The following SERPINA5 variants were observed in gnomAD, a reference collection of about 807,000 sequenced individuals.
The protein encoded by SERPINA5 is plasma serine protease inhibitor.
In SERPINA5, 25 loss-of-function variants were observed where a neutral mutation model predicts 25.3. That is an observed-to-expected ratio of 0.99 (90% CI 0.72 to 1.38). The LOEUF (loss-of-function observed/expected upper bound fraction) is 1.38, where lower values mean the gene tolerates loss of function less well. Ranked by LOEUF, SERPINA5 falls within the 40% of genes most tolerant of loss-of-function variation. The pLI is 0.00. For synonymous variants in SERPINA5, 234 were observed against 206.2 expected (o/e 1.14, Z -1.16); for missense variants, 599 against 509.5 (o/e 1.18, Z -1.69).
intron 2 of SERPINA5, among the ~76,000 whole-genome samples, chr14:94,585,796 T>TGTGC (rs1555384394): frequency 5.3e-5 from 7 of 132,580 alleles, no homozygotes; most frequent in Admixed American, 4.4e-4. Context: ...TGTGTGTGTG[T>TGTGC]GTGTGTGTAA....
chr14:94,590,712 C>G (rs201077491), intron 4 of SERPINA5, 37 bp from the exon 5 acceptor site: 29 of 1,603,032 alleles, frequency 1.8e-5, no homozygotes, highest in Middle Eastern at 1.9e-4. Context: ...TGCCAATGCC[C>G]CAGAACAGTC....
intron 2 of SERPINA5, among the ~76,000 whole-genome samples, chr14:94,586,142 G>T (rs574636413): frequency 3.3e-5 from 5 of 152,152 alleles, no homozygotes; most frequent in Non-Finnish European, 7.3e-5. Flanking sequence ...CTTGGGTGAA[G>T]TGGAGGGAGG....
At chr14:94,582,659 C>A (rs985060850) in intron 2 of SERPINA5, among the ~76,000 whole-genome samples, 13 of 152,166 alleles carry the variant, frequency 8.5e-5, no homozygotes, top group Non-Finnish European at 1.3e-4. Context: ...CTGGTCAGTT[C>A]ATTCATTCAT....
chr14:94,587,798 G>A lies in SERPINA5; in HGVS notation c.436G>A (p.Val146Ile), dbSNP rs748352741. 12 of 1,614,088 alleles carry A rather than the reference G, an allele frequency of 7.4e-6. No homozygotes were observed. Among genetic ancestry groups the A allele is most frequent in the Admixed American group, 5.0e-5 (3 of 60,008 alleles). ...GGTGGTAGACCTGCAGGACACCTTC[G>A]TAAGTGCCATGAAGACGCTGTACCT... ...DLVVDLQDTF[V>I]SAMKTLYLAD... Residue 146 changes from valine to isoleucine, a missense_variant, in exon 3 of 6, where the codon GTA (valine) becomes ATA (isoleucine). By Grantham distance (29) the Val-to-Ile change is conservative (BLOSUM62 3). Transcript: ENST00000329597.
intron 2 of SERPINA5, among the ~76,000 whole-genome samples, chr14:94,583,659 TG>T (rs1884986589): frequency 6.6e-6 from 1 of 152,100 alleles, no homozygotes; most frequent in African/African-American, 2.4e-5. Context: ...TCGGGGATGG[TG>T]GTGGGCCAGC....
intron 5 of SERPINA5, among the ~76,000 whole-genome samples, 176 bp downstream of exon 5, chr14:94,591,072 T>TTCCAC (rs1244221200): frequency 3.9e-5 from 5 of 129,660 alleles, no homozygotes; most frequent in Admixed American, 3.0e-4. Flanking sequence ...CTTTATTCAA[T>TTCCAC]TCCACTCCAC....
In SERPINA5 at chr14:94,590,167, A is replaced by G; in HGVS notation, c.746A>G (p.Asn249Ser). ...EDQYHYLLDR[N>S]LSCRVVGVPY... Reference sequence around the variant, plus strand: ...CAGTATCACTACCTCCTGGACCGGAACCTCTCCTGCAGGGTGGTGGGGGTC... The same window carrying G: ...CAGTATCACTACCTCCTGGACCGGAGCCTCTCCTGCAGGGTGGTGGGGGTC... Residue 249 changes from asparagine (N) to serine (S), a missense_variant, in exon 4 of 6, where the codon AAC becomes AGC. Asn to Ser is a conservative substitution (Grantham distance 46). Transcript: ENST00000329597. 6.2e-7 allele frequency: 1 copy of G among 1,614,028 alleles called. No homozygotes were observed. Among genetic ancestry groups the G allele is most frequent in the Non-Finnish European group, 8.5e-7 (1 of 1,179,998 alleles).
Position 94,587,223 on chromosome 14 carries a change from T to C in SERPINA5, c.-17-123T>C, listed in dbSNP as rs545928021. 115 of 894,710 alleles carry C rather than the reference T, an allele frequency of 1.3e-4. No homozygotes were observed. In the African/African-American group the frequency reaches 1.8e-3, roughly 14 times the overall value. 55.4% of individuals were successfully genotyped at this position (894,710 alleles called of 1,614,324 possible). ...CTCATGCCCAGTCTTGCGGGTGCCA[T>C]CCCTTCTCTTTGAAGCTGAATGGAC... On this transcript the variant is annotated intron_variant, in intron 2 of 5. Coordinates refer to ENST00000329597, the MANE Select transcript of SERPINA5 (RefSeq NM_000624.6).
In SERPINA5 at chr14:94,587,906, G is replaced by A. The variant is rs1257502624; in HGVS notation, c.544G>A (p.Gly182Ser). ...TGATTATGTGGCAAAGCAAACGAAG[G>A]GCAAGATTGTGGACTTGCTTAAGAA... ...INDYVAKQTK[G>S]KIVDLLKNLD... Residue 182 changes from glycine (G) to serine (S), a missense_variant, in exon 3 of 6, where the codon GGC becomes AGC. Gly to Ser is a moderately conservative substitution (Grantham distance 56). Coordinates refer to ENST00000329597, the MANE Select transcript of SERPINA5 (RefSeq NM_000624.6). 1 of 1,614,244 alleles carries A rather than the reference G, an allele frequency of 6.2e-7. No individual in the cohort carries two copies. Among genetic ancestry groups the A allele is most frequent in the East Asian group, 2.2e-5 (1 of 44,878 alleles).
chr14:94,590,319 C>G lies in SERPINA5; in HGVS notation c.890+8C>G. The G allele has an allele frequency of 6.3e-7, 1 of 1,579,574 alleles. No individual in the cohort carries two copies. Among genetic ancestry groups the G allele is most frequent in the Non-Finnish European group, 8.6e-7 (1 of 1,160,076 alleles). On this transcript the variant is annotated splice_region_variant and intron_variant, in intron 4 of 5. Coordinates refer to ENST00000329597, the MANE Select transcript of SERPINA5 (RefSeq NM_000624.6). The stretch of plus-strand genomic sequence containing the variant: ...TAAGATGTTCAAAAAGAGGTACTTT[C>G]AGACTACCCCAGGGCCAGCCTAAAC...
rs201869477 is a variant in SERPINA5 at position 94,590,163 on chromosome 14, C to T, written c.742C>T (p.Arg248Trp). 59 of 1,614,142 alleles carry T rather than the reference C, an allele frequency of 3.7e-5. 1 individual carries two copies. The highest frequency in any genetic ancestry group is 2.9e-4 in the South Asian group (26 of 91,076). The change falls in exon 4 of 6, where the codon CGG (arginine) becomes TGG (tryptophan). Residue 248 changes from arginine (R) to tryptophan (W), a missense_variant. Coordinates refer to ENST00000329597, the MANE Select transcript of SERPINA5 (RefSeq NM_000624.6). The part of the protein sequence containing the change: ...REDQYHYLLD[R>W]NLSCRVVGVP... ...GGATCAGTATCACTACCTCCTGGACCGGAACCTCTCCTGCAGGGTGGTGGG... is the reference window on the plus strand; with the variant it reads ...GGATCAGTATCACTACCTCCTGGACTGGAACCTCTCCTGCAGGGTGGTGGG...
chr14:94,581,503 G>T lies in SERPINA5; in HGVS notation c.-114+13G>T. The stretch of plus-strand genomic sequence containing the variant: ...GCTACGGGACACAGTAAGTACCGAT[G>T]CCGCAAAGGGAGGTCCCCAGGGCTT... On this transcript the variant is annotated intron_variant, in intron 1 of 5. Transcript: ENST00000329597. 1 of 152,422 alleles carries T rather than the reference G, an allele frequency of 6.6e-6. No individual in the cohort carries two copies. The highest frequency in any genetic ancestry group is 1.5e-5 in the Non-Finnish European group (1 of 68,118). 9.4% of individuals were successfully genotyped at this position (152,422 alleles called of 1,614,324 possible).
At chr14:94,590,370 C>T (rs747650994) in intron 4 of SERPINA5, 59 bp downstream of exon 4, 47 of 1,522,180 alleles carry the variant, frequency 3.1e-5, no homozygotes, top group Middle Eastern at 2.4e-4. Context: ...GAGACACACA[C>T]GCCCTACCAG....
At chr14:94,582,224 G>A (rs1312153347) in intron 2 of SERPINA5, 1 of 152,248 alleles carries the variant, frequency 6.6e-6, no homozygotes, top group Non-Finnish European at 1.5e-5. Flanking sequence ...TTTTTCTGAA[G>A]GTAGGGCTTT....
At chr14:94,589,054 C>T (rs1003690128) in intron 3 of SERPINA5, among the ~76,000 whole-genome samples, 2 of 152,342 alleles carry the variant, frequency 1.3e-5, no homozygotes, top group Middle Eastern at 3.4e-3. Flanking sequence ...TTCCTATCCC[C>T]TGGTGCAGGG....
chr14:94,582,831 A>G (rs1025017880), intron 2 of SERPINA5, among the ~76,000 whole-genome samples: 1 of 152,252 alleles, frequency 6.6e-6, no homozygotes, highest in African/African-American at 2.4e-5. Flanking sequence ...TTTGAGAGAA[A>G]GAGTCAAGGG....
At chr14:94,584,537 C>A (rs1046804921) in intron 2 of SERPINA5, among the ~76,000 whole-genome samples, 1 of 151,996 alleles carries the variant, frequency 6.6e-6, no homozygotes, top group East Asian at 1.9e-4. Flanking sequence ...CCCATCGGAT[C>A]TCTAGTGCTT....
rs1421781931 is a variant in SERPINA5 at position 94,590,302 on chromosome 14, T to G, written c.881T>G (p.Phe294Cys). The G allele has an allele frequency of 2.5e-6, 4 of 1,595,234 alleles. No individual in the cohort carries two copies. Among genetic ancestry groups the G allele is most frequent in the Non-Finnish European group, 2.6e-6 (3 of 1,168,088 alleles). The change falls in exon 4 of 6, where the codon TTC becomes TGC. Residue 294 changes from phenylalanine to cysteine, a missense_variant. By Grantham distance (205) the Phe-to-Cys change is radical (BLOSUM62 -2). Transcript: ENST00000329597. The part of the protein sequence containing the change: ...EKTLRKWLKM[F>C]KKRQLELYLP... ...ACGCTGAGGAAGTGGCTTAAGATGTTCAAAAAGAGGTACTTTCAGACTACC... is the reference window on the plus strand; with the variant it reads ...ACGCTGAGGAAGTGGCTTAAGATGTGCAAAAAGAGGTACTTTCAGACTACC...
At chr14:94,588,345 A>G (rs1209065035) in intron 3 of SERPINA5, among the ~76,000 whole-genome samples, 3 of 152,152 alleles carry the variant, frequency 2.0e-5, no homozygotes. Context: ...CAGACCCCAG[A>G]AGGGCTTAAA....
Sources: gnomAD v4.1 joint callset for allele counts (sites outside exome capture counted in the v4.1 genomes callset) on GRCh38, gnomAD v4.1.1 for gene constraint, MANE v1.5 for transcripts, NCBI Gene and HGNC (gene_info 2026-07-23, HGNC 2026-07-21) for gene names.